The following ANGPT1 variants were observed in gnomAD, a reference collection of about 807,000 sequenced individuals.
The protein encoded by ANGPT1 is angiopoietin 1, also known as angiopoietin-1.
In ANGPT1, 17 loss-of-function variants were observed where a neutral mutation model predicts 62.2. The observed-to-expected ratio is 0.27, with a 90% CI of 0.19 to 0.41. The LOEUF is 0.41. Ranked by LOEUF, ANGPT1 falls within the 10% of genes least tolerant of loss-of-function variation. The pLI is 1.00. For missense variants in ANGPT1, 478 were observed against 594.9 expected (o/e 0.80, Z 2.04); for synonymous variants, 199 against 198.9 (o/e 1.00, Z 0.00).
At chr8:107,301,658 T>C (rs941777773) in intron 5 of ANGPT1, among the ~76,000 whole-genome samples, 4 of 151,952 alleles carry the variant, frequency 2.6e-5, no homozygotes, top group Non-Finnish European at 4.4e-5. Context: ...CTCTGGTAGA[T>C]GGCTGAGGTA....
At chr8:107,473,596 T>C (rs971377339) in intron 1 of ANGPT1, among the ~76,000 whole-genome samples, 1 of 152,122 alleles carries the variant, frequency 6.6e-6, no homozygotes, top group Non-Finnish European at 1.5e-5. Flanking sequence ...AATGGAACCA[T>C]AGAGCTTTAC....
intron 1 of ANGPT1, among the ~76,000 whole-genome samples, chr8:107,424,956 C>A (rs1307024668): frequency 6.6e-6 from 1 of 152,136 alleles, no homozygotes; most frequent in Admixed American, 6.5e-5. Context: ...CTCACTGCAA[C>A]CTTCGCCTCC....
intron 1 of ANGPT1, among the ~76,000 whole-genome samples, chr8:107,440,998 T>C (rs1029965615): frequency 6.6e-6 from 1 of 152,212 alleles, no homozygotes; most frequent in South Asian, 2.1e-4. Context: ...AAACCAACCA[T>C]GGCAATGCTT....
intron 1 of ANGPT1, among the ~76,000 whole-genome samples, chr8:107,419,052 A>G (rs755946176): frequency 1.3e-5 from 2 of 152,210 alleles, no homozygotes; most frequent in African/African-American, 4.8e-5. Flanking sequence ...TATCAATAGT[A>G]TATTTTCTAG....
chr8:107,299,273 T>C (rs1230277366), intron 5 of ANGPT1, among the ~76,000 whole-genome samples: 1 of 150,758 alleles, frequency 6.6e-6, no homozygotes, highest in Non-Finnish European at 1.5e-5. Context: ...GATTCCTTTG[T>C]TTCAAAGTCA....
intron 1 of ANGPT1, among the ~76,000 whole-genome samples, chr8:107,468,628 T>C (rs958243888): frequency 2.0e-5 from 3 of 152,066 alleles, no homozygotes; most frequent in Non-Finnish European, 2.9e-5. Flanking sequence ...CATCTATTAT[T>C]TCTGAAAATA....
chr8:107,491,347 G>A (rs913631841), intron 1 of ANGPT1, among the ~76,000 whole-genome samples: 12 of 152,160 alleles, frequency 7.9e-5, no homozygotes, highest in Non-Finnish European at 1.5e-4. Flanking sequence ...CTCTAATGGA[G>A]TTTGCATTCT....
chr8:107,264,760 A>C (rs1813575191), intron 7 of ANGPT1, among the ~76,000 whole-genome samples: 1 of 152,138 alleles, frequency 6.6e-6, no homozygotes, highest in South Asian at 2.1e-4. Context: ...TTGATTGGGG[A>C]TTTCCTCTGT....
intron 1 of ANGPT1, among the ~76,000 whole-genome samples, chr8:107,419,863 C>G (rs1810851614): frequency 6.6e-6 from 1 of 152,122 alleles, no homozygotes. Flanking sequence ...TTTTAAATTG[C>G]TATTATAAAT....
chr8:107,376,205 C>T (rs1363480470), intron 1 of ANGPT1, among the ~76,000 whole-genome samples: 5 of 152,288 alleles, frequency 3.3e-5, no homozygotes, highest in African/African-American at 1.2e-4. Context: ...TATGTTTCCA[C>T]ATGTAATCAA....
intron 1 of ANGPT1, among the ~76,000 whole-genome samples, chr8:107,430,364 C>T (rs1025573163): frequency 5.3e-5 from 8 of 152,184 alleles, no homozygotes; most frequent in Admixed American, 2.6e-4. Flanking sequence ...CAGCCTGCAG[C>T]ACCTTGTCAC....
chr8:107,263,482 TTTGTTGTTGTTA>T (rs1268945644), intron 8 of ANGPT1, among the ~76,000 whole-genome samples: 3 of 152,196 alleles, frequency 2.0e-5, no homozygotes, highest in South Asian at 4.1e-4. Context: ...ATAAGGGTTT[TTTGTTGTTGTTA>T]TTGTTGTTGT....
At chr8:107,257,005 C>T (rs1052401802) in intron 8 of ANGPT1, among the ~76,000 whole-genome samples, 16 of 152,026 alleles carry the variant, frequency 1.1e-4, no homozygotes, top group Non-Finnish European at 1.9e-4. Flanking sequence ...TACAGGCATC[C>T]GCTACCACGC....
chr8:107,354,455 G>T (rs1815998330), intron 1 of ANGPT1, among the ~76,000 whole-genome samples: 1 of 151,896 alleles, frequency 6.6e-6, no homozygotes, highest in African/African-American at 2.4e-5. Flanking sequence ...ATAAAGGGCT[G>T]GATTCGATCA....
intron 1 of ANGPT1, among the ~76,000 whole-genome samples, chr8:107,444,741 G>GA (rs749518186): frequency 6.6e-5 from 10 of 152,158 alleles, no homozygotes; most frequent in African/African-American, 2.4e-4. Flanking sequence ...TGATGAGAGT[G>GA]AAAAAATCAC....
intron 1 of ANGPT1, among the ~76,000 whole-genome samples, chr8:107,459,790 A>T (rs1812019461): frequency 6.6e-6 from 1 of 152,180 alleles, no homozygotes; most frequent in African/African-American, 2.4e-5. Flanking sequence ...TCATTGAAGT[A>T]GAGGGAAAGT....
chr8:107,386,977 G>A (rs1816743458), intron 1 of ANGPT1, among the ~76,000 whole-genome samples: 1 of 152,046 alleles, frequency 6.6e-6, no homozygotes, highest in Admixed American at 6.6e-5. Context: ...CACAAACTAT[G>A]TGCCAGCTAC....
chr8:107,310,116 A>G (rs1814813902), intron 4 of ANGPT1, among the ~76,000 whole-genome samples: 1 of 152,204 alleles, frequency 6.6e-6, no homozygotes, highest in African/African-American at 2.4e-5. Flanking sequence ...AATCTTAACT[A>G]CCATTTTTTA....
intron 1 of ANGPT1, among the ~76,000 whole-genome samples, chr8:107,446,081 T>A (rs1811610149): frequency 6.6e-6 from 1 of 151,940 alleles, no homozygotes; most frequent in Non-Finnish European, 1.5e-5. Context: ...CCATGCCCAG[T>A]TAACTTTTCG....
Sources: gnomAD v4.1 joint callset for allele counts (sites outside exome capture counted in the v4.1 genomes callset) on GRCh38, gnomAD v4.1.1 for gene constraint, MANE v1.5 for transcripts, NCBI Gene and HGNC (gene_info 2026-07-23, HGNC 2026-07-21) for gene names.